Variants in CCDC158 observed in about 807,000 individuals in gnomAD.
CCDC158 encodes the protein coiled-coil domain-containing protein 158.
A neutral mutation model predicts 138.6 loss-of-function variants in CCDC158; 116 were observed. The ratio of observed to expected loss-of-function variants is 0.84; its 90% CI spans 0.72 to 0.98. CCDC158 has a LOEUF of 0.98. Among genes scored for constraint, CCDC158 ranks in the 50% least tolerant of loss-of-function variants. The pLI, the probability that CCDC158 is intolerant of heterozygous loss-of-function variation, is 0.00. For missense variants in CCDC158, 1,265 were observed against 1,306.1 expected (o/e 0.97, Z 0.48); for synonymous variants, 436 against 442.4 (o/e 0.99, Z 0.18).
chr4:76,362,285 G>A lies in CCDC158; in HGVS notation c.1861C>T (p.Arg621Trp), dbSNP rs371552188. The change falls in exon 13 of 25, where the codon CGG becomes TGG. Residue 621 changes from arginine (R) to tryptophan (W), a missense_variant. Arg to Trp is a moderately radical substitution (Grantham distance 101). Transcript: ENST00000682701. ...ILKDKKDAKI[R>W]ELEARVSDLE... ...TCACTCACTCTGGCCTCAAGCTCCC[G>A]GATCTTTGCATCTTTTTTATCTTTT... is the stretch of plus-strand genomic sequence containing the variant. 20 of 1,612,708 alleles carry A rather than the reference G, an allele frequency of 1.2e-5. No homozygotes were observed. The highest frequency in any genetic ancestry group is 1.5e-5 in the Non-Finnish European group (18 of 1,179,682).
intron 18 of CCDC158, among the ~76,000 whole-genome samples, chr4:76,340,959 G>C (rs1721991718): frequency 6.6e-6 from 1 of 151,984 alleles, no homozygotes; most frequent in Non-Finnish European, 1.5e-5. Flanking sequence ...ACATTTGCAG[G>C]GTAAAACTTG....
chr4:76,401,591 T>G (rs992893104), intron 3 of CCDC158: 1 of 161,030 alleles, frequency 6.2e-6, no homozygotes, highest in African/African-American at 2.4e-5. Flanking sequence ...TGTTTTATTA[T>G]GAAGACAATA....
At chr4:76,402,812 G>GA (rs5859512) in intron 3 of CCDC158, among the ~76,000 whole-genome samples, 152,013 of 152,276 alleles carry the variant, frequency 1, 75,876 homozygotes, top group Non-Finnish European at 1. Context: ...TGAGGAAAAA[G>GA]AATGAAATGA....
intron 3 of CCDC158, chr4:76,401,450 C>A: frequency 2.4e-6 from 1 of 419,506 alleles, no homozygotes; most frequent in Non-Finnish European, 4.6e-6. Context: ...CAAGATTGTG[C>A]TGAGGCCTTG....
Position 76,396,411 on chromosome 4 carries a change from G to A in CCDC158, c.146C>T (p.Thr49Ile), listed in dbSNP as rs745598725. ...ATATTTAGGGAAAAAAGGAACCTGT[G>A]TCAAAGTCCCAGCTGAAGATGTGTT... is the stretch of plus-strand genomic sequence containing the variant. ...IENTSSAGTLTQVPFFPKYEV... is the reference protein window; with the variant it reads ...IENTSSAGTLIQVPFFPKYEV... The change falls in exon 4 of 25, where the codon ACA becomes ATA. Residue 49 changes from threonine to isoleucine, a missense_variant. Transcript: ENST00000682701. 57 of 1,613,870 alleles carry A rather than the reference G, an allele frequency of 3.5e-5. No individual in the cohort carries two copies. The highest frequency in any genetic ancestry group is 4.5e-5 in the Non-Finnish European group (53 of 1,179,928).
chr4:76,409,695 G>A (rs1478705300), intron 2 of CCDC158, among the ~76,000 whole-genome samples: 1 of 152,104 alleles, frequency 6.6e-6, no homozygotes, highest in African/African-American at 2.4e-5. Flanking sequence ...GCCAGGTGTG[G>A]TGGCGGGCGC....
chr4:76,334,200 T>G (rs745978201), intron 18 of CCDC158, 33 bp from the exon 19 acceptor site: 1 of 1,482,294 alleles, frequency 6.7e-7, no homozygotes, highest in East Asian at 2.4e-5. Context: ...GACACTTATT[T>G]TTTCAGATTT....
At chr4:76,321,229 A>G (rs1312844612) in intron 24 of CCDC158, among the ~76,000 whole-genome samples, 1 of 152,164 alleles carries the variant, frequency 6.6e-6, no homozygotes, top group Non-Finnish European at 1.5e-5. Flanking sequence ...CTACTCCTGC[A>G]AGAATGGCCA....
At chr4:76,336,181 CAAAAAAA>C (rs34498886) in intron 18 of CCDC158, among the ~76,000 whole-genome samples, 4 of 56,034 alleles carry the variant, frequency 7.1e-5, no homozygotes, top group Non-Finnish European at 1.1e-4. Context: ...GACTCTGTCT[CAAAAAAA>C]AAAAAAAAAA....
chr4:76,315,742 G>A (rs1230898357), intron 24 of CCDC158, among the ~76,000 whole-genome samples: 1 of 152,204 alleles, frequency 6.6e-6, no homozygotes, highest in Non-Finnish European at 1.5e-5. Context: ...CTCTACCAGA[G>A]GAGGTGCTGG....
At chr4:76,374,318 G>A (rs984809250) in intron 9 of CCDC158, among the ~76,000 whole-genome samples, 22 of 152,112 alleles carry the variant, frequency 1.4e-4, no homozygotes, top group Non-Finnish European at 5.9e-5. Context: ...TTATTATCAG[G>A]AAAGACTAAA....
chr4:76,318,894 C>T (rs1719663947), intron 24 of CCDC158, among the ~76,000 whole-genome samples: 1 of 152,202 alleles, frequency 6.6e-6, no homozygotes, highest in South Asian at 2.1e-4. Flanking sequence ...CTTTGGGAGG[C>T]CAAGGTGGGC....
rs34043671 is a variant in CCDC158, at chr4:76,379,743, TACACACACACAC to T, written c.915-351_915-340del. On this transcript the variant is annotated intron_variant, in intron 8 of 24. Transcript: ENST00000682701. ...TTTACTTATATATATTCATATATAT[TACACACACACAC>T]ACACACACACACACACACACACACA... Among the ~76,000 whole-genome samples, 418 of 147,078 alleles carry T rather than the reference TACACACACACAC, an allele frequency of 2.8e-3. 2 individuals carry two copies. Among genetic ancestry groups the T allele is most frequent in the African/African-American group, 9.2e-3 (367 of 39,682 alleles).
intron 18 of CCDC158, chr4:76,345,284 A>G (rs1722437836): frequency 3.1e-6 from 3 of 977,260 alleles, no homozygotes; most frequent in Non-Finnish European, 5.0e-6. Flanking sequence ...TCAACATCGA[A>G]GCTGCTAAGG....
At chr4:76,319,596 A>C (rs1719817342) in intron 24 of CCDC158, among the ~76,000 whole-genome samples, 1 of 148,908 alleles carries the variant, frequency 6.7e-6, no homozygotes, top group Non-Finnish European at 1.5e-5. Flanking sequence ...ATACACCATG[A>C]TCAAGTGGGT....
Position 76,350,997 on chromosome 4 carries a change from T to C in CCDC158, c.2663A>G (p.His888Arg). 1 of 1,613,430 alleles carries C rather than the reference T, an allele frequency of 6.2e-7. No individual in the cohort carries two copies. Among genetic ancestry groups the C allele is most frequent in the Non-Finnish European group, 8.5e-7 (1 of 1,179,632 alleles). Residue 888 changes from histidine to arginine, a missense_variant and splice_region_variant, in exon 18 of 25, where the codon CAT (histidine) becomes CGT (arginine). By Grantham distance (29) the His-to-Arg change is conservative. Transcript: ENST00000682701. ...TGGATCATAAGACTGGTTACTTACA[T>C]GAGACAGGAAGCTGGCTGTAGACTG... ...SSQSTASFLS[H>R]HSTKANTLKE...
chr4:76,349,551 C>A (rs996015776), intron 18 of CCDC158, among the ~76,000 whole-genome samples: 12 of 152,084 alleles, frequency 7.9e-5, no homozygotes, highest in African/African-American at 2.4e-4. Context: ...CACCTTTAGT[C>A]CCAGCTACTA....
chr4:76,383,595 G>T, intron 7 of CCDC158, 67 bp downstream of exon 7: 2 of 1,139,394 alleles, frequency 1.8e-6, no homozygotes, highest in Non-Finnish European at 2.7e-6. Flanking sequence ...TTGGAATTGT[G>T]GCCGAAACAC....
chr4:76,349,888 A>G (rs111921871), intron 18 of CCDC158, among the ~76,000 whole-genome samples: 1 of 152,144 alleles, frequency 6.6e-6, no homozygotes, highest in African/African-American at 2.4e-5. Flanking sequence ...TCTTGTCCAG[A>G]CTACTTGTTA....
Sources: allele counts gnomAD v4.1 joint callset (sites outside exome capture counted in the v4.1 genomes callset), GRCh38; gene constraint gnomAD v4.1.1; transcripts MANE v1.5; gene names NCBI Gene and HGNC (gene_info 2026-07-23, HGNC 2026-07-21).